Variants in SENP2 observed in about 807,000 individuals in gnomAD.
SENP2 encodes the protein SUMO specific peptidase 2.
Under a neutral mutation model 86.3 loss-of-function variants are expected in SENP2, and 16 were observed. The ratio of observed to expected loss-of-function variants is 0.19; its 90% confidence interval spans 0.13 to 0.28. The LOEUF (loss-of-function observed/expected upper bound fraction) is 0.28. SENP2 is among the 10% of genes least tolerant of loss of function. SENP2 has a pLI of 1.00. For synonymous variants in SENP2, 222 were observed against 238.7 expected (o/e 0.93, Z 0.64); for missense variants, 552 against 703.0 (o/e 0.79, Z 2.43).
chr3:185,606,207 G>A, intron 5 of SENP2, 123 bp from the exon 6 acceptor site: 2 of 775,042 alleles, frequency 2.6e-6, no homozygotes, highest in African/African-American at 3.5e-5. Flanking sequence ...AATTGTACTT[G>A]TCTGACTTGC....
intron 13 of SENP2, among the ~76,000 whole-genome samples, chr3:185,621,230 CAA>C (rs535814173): frequency 6.5e-4 from 44 of 67,200 alleles, no homozygotes; most frequent in African/African-American, 1.6e-3. Context: ...ATAAAGAAAG[CAA>C]AAAAAAAAAA....
chr3:185,597,815 A>C (rs1401658591), intron 2 of SENP2, among the ~76,000 whole-genome samples: 1 of 151,966 alleles, frequency 6.6e-6, no homozygotes, highest in East Asian at 1.9e-4. Flanking sequence ...CACCACGCCC[A>C]GCTAATTCTT....
intron 7 of SENP2, 35 bp downstream of exon 7, chr3:185,609,385 C>T: frequency 1.4e-6 from 2 of 1,453,484 alleles, no homozygotes; most frequent in South Asian, 1.2e-5. Context: ...CTTTGCTAGG[C>T]ATCTTTTGTT....
chr3:185,615,141 G>A (rs1409039525), intron 11 of SENP2, among the ~76,000 whole-genome samples: 1 of 151,876 alleles, frequency 6.6e-6, no homozygotes, highest in African/African-American at 2.4e-5. Flanking sequence ...TTTGAAAATA[G>A]TAAAAACTTA....
At chr3:185,618,411 C>A (rs1010779095) in intron 12 of SENP2, among the ~76,000 whole-genome samples, 16 of 152,076 alleles carry the variant, frequency 1.1e-4, no homozygotes, top group African/African-American at 3.9e-4. Context: ...TGGGTTCTTC[C>A]CCGAACTGCT....
chr3:185,605,981 G>GTAA (rs915692530), intron 5 of SENP2, among the ~76,000 whole-genome samples: 3 of 152,182 alleles, frequency 2.0e-5, no homozygotes, highest in African/African-American at 7.2e-5. Context: ...AATCATACCA[G>GTAA]TAATGAATTT....
intron 6 of SENP2, 85 bp from the exon 7 acceptor site, chr3:185,609,162 T>C (rs1038985214): frequency 1.2e-6 from 1 of 857,464 alleles, no homozygotes; most frequent in African/African-American, 1.7e-5. Context: ...TGCTGGCAAA[T>C]AAAACACACC....
chr3:185,595,282 A>G (rs1170229247), intron 2 of SENP2, among the ~76,000 whole-genome samples: 1 of 152,186 alleles, frequency 6.6e-6, no homozygotes, highest in Admixed American at 6.6e-5. Flanking sequence ...TAGAGTCTGG[A>G]TGACAGACTG....
intron 8 of SENP2, 67 bp downstream of exon 8, chr3:185,611,812 G>C: frequency 9.0e-7 from 1 of 1,116,752 alleles, no homozygotes. Context: ...GTTCATATGA[G>C]GTAGAAAATT....
rs920597645 is a variant in SENP2 at position 185,621,989 on chromosome 3, T to A, written c.1526+84T>A. 2.6e-5 allele frequency: 22 copies of A among 830,750 alleles called. No homozygotes were observed. In the African/African-American group the frequency reaches 3.8e-4, roughly 14 times the overall value. 51.5% of individuals were successfully genotyped at this position (830,750 alleles called of 1,614,324 possible). A position where few individuals can be genotyped will look rare whatever the true frequency, so the allele number is the denominator to read the frequency against. On this transcript the variant is annotated intron_variant, in intron 14 of 16. Coordinates refer to ENST00000296257, the MANE Select transcript of SENP2 (RefSeq NM_021627.3). ...TCCTAGGAAGCTGTGTGGATGGTAGTCTAATGTGTAGTTAAGGCTATTTCA... is the reference window on the plus strand; with the variant it reads ...TCCTAGGAAGCTGTGTGGATGGTAGACTAATGTGTAGTTAAGGCTATTTCA...
intron 4 of SENP2, among the ~76,000 whole-genome samples, chr3:185,599,532 A>C (rs1722276793): frequency 6.6e-6 from 1 of 152,156 alleles, no homozygotes; most frequent in African/African-American, 2.4e-5. Flanking sequence ...GGGGAAAAGT[A>C]GGAAGAAGCC....
chr3:185,628,404 T>G (rs1393255320), intron 16 of SENP2, among the ~76,000 whole-genome samples: 1 of 152,222 alleles, frequency 6.6e-6, no homozygotes, highest in Non-Finnish European at 1.5e-5. Context: ...TCCAAAGTGC[T>G]GGGATTACAG....
intron 11 of SENP2, among the ~76,000 whole-genome samples, chr3:185,616,648 G>C (rs939560056): frequency 2.0e-5 from 3 of 152,004 alleles, no homozygotes; most frequent in South Asian, 4.2e-4. Context: ...GGTGGCGGGC[G>C]CCTGTCATCC....
intron 16 of SENP2, among the ~76,000 whole-genome samples, chr3:185,629,500 C>G: frequency 6.6e-6 from 1 of 151,956 alleles, no homozygotes; most frequent in Admixed American, 6.6e-5. Flanking sequence ...ATCGCTCGAA[C>G]CCAGGAGGCA....
intron 13 of SENP2, among the ~76,000 whole-genome samples, chr3:185,621,122 A>T (rs1363248554): frequency 7.3e-6 from 1 of 137,698 alleles, no homozygotes; most frequent in East Asian, 2.3e-4. Context: ...ACACCACTGC[A>T]CTCCAGCCTG....
chr3:185,621,396 T>C (rs1711880779), intron 13 of SENP2, among the ~76,000 whole-genome samples: 1 of 134,876 alleles, frequency 7.4e-6, no homozygotes, highest in African/African-American at 2.7e-5. Context: ...CTTTTTTTTT[T>C]TTTTTTTTTT....
rs975521067 is a variant in SENP2, at chr3:185,586,663, G to A, written c.101+149G>A. 1.4e-6 allele frequency: 1 copy of A among 706,340 alleles called. No individual in the cohort carries two copies. Among genetic ancestry groups the A allele is most frequent in the African/African-American group, 1.8e-5 (1 of 56,166 alleles). The allele number at this position is 706,340 out of a possible 1,614,324, so 43.8% of individuals were successfully genotyped here. ...GTAGTCGCTCCCGCCAGGCTGTAGG[G>A]AGGCAGCTCCTGATGAAGGAGGAGC... is the stretch of plus-strand genomic sequence containing the variant. On this transcript the variant is annotated intron_variant, in intron 1 of 16. Coordinates refer to ENST00000296257, the MANE Select transcript of SENP2 (RefSeq NM_021627.3). The surrounding 1 kb of genome is among the most constrained non-coding windows in gnomAD (Gnocchi z 4.3).
At chr3:185,629,723 G>A in intron 16 of SENP2, 59 bp from the exon 17 acceptor site, 5 of 1,520,292 alleles carry the variant, frequency 3.3e-6, no homozygotes, top group Non-Finnish European at 3.7e-6. Context: ...ACACCTGAAG[G>A]TTGTGCTGCC....
At chr3:185,595,333 T>TC in intron 2 of SENP2, among the ~76,000 whole-genome samples, 1 of 152,308 alleles carries the variant, frequency 6.6e-6, no homozygotes, top group African/African-American at 2.4e-5. Flanking sequence ...TTCTCCTCCT[T>TC]AGAAAGTGCA....
Sources: gnomAD v4.1 joint callset for allele counts (sites outside exome capture counted in the v4.1 genomes callset) on GRCh38, gnomAD v4.1.1 for gene constraint, Gnocchi (gnomAD v3.1) non-coding constraint, MANE v1.5 for transcripts, NCBI Gene and HGNC (gene_info 2026-07-23, HGNC 2026-07-21) for gene names.